Variants in LUZP2 observed in about 807,000 individuals in gnomAD.
LUZP2 encodes the protein leucine zipper protein 2.
LUZP2 carries 52 observed loss-of-function variants against 51.6 expected under a neutral mutation model. The ratio of observed to expected loss-of-function variants is 1.01; its 90% CI spans 0.81 to 1.27. The LOEUF (loss-of-function observed/expected upper bound fraction) is 1.27. Ranked by LOEUF, LUZP2 falls within the 50% of genes most tolerant of loss-of-function variation. The pLI, the probability that LUZP2 is intolerant of heterozygous loss-of-function variation, is 0.00. For missense variants in LUZP2, 436 were observed against 395.4 expected, an observed-to-expected ratio of 1.10 and a Z score of -0.87; for synonymous variants, 154 against 137.3, an observed-to-expected ratio of 1.12 and a Z score of -0.85.
At chr11:25,026,886 C>A (rs192089762) in intron 9 of LUZP2, among the ~76,000 whole-genome samples, 3,684 of 119,510 alleles carry the variant, frequency 0.031, 61 homozygotes, top group South Asian at 0.11. Flanking sequence ...TTTTTTCTTT[C>A]TTTATTTATT....
intron 1 of LUZP2, among the ~76,000 whole-genome samples, chr11:24,606,062 T>G (rs1261143820): frequency 6.6e-6 from 1 of 151,886 alleles, no homozygotes; most frequent in African/African-American, 2.4e-5. Context: ...TGAATAATAC[T>G]CTACTGTGCA....
At chr11:24,839,736 G>T (rs867984181) in intron 5 of LUZP2, among the ~76,000 whole-genome samples, 1 of 151,446 alleles carries the variant, frequency 6.6e-6, no homozygotes, top group Admixed American at 6.6e-5. Flanking sequence ...GAACACTCTC[G>T]GGGTCCATTT....
chr11:24,956,331 C>T (rs1255848447), intron 7 of LUZP2, among the ~76,000 whole-genome samples: 1 of 151,968 alleles, frequency 6.6e-6, no homozygotes, highest in Non-Finnish European at 1.5e-5. Flanking sequence ...CAGAAGGAAC[C>T]AGGATTGCTG....
At position 24,774,362 on chromosome 11, in the gene LUZP2, C is replaced by CTCTCTCTCTCTCTCTATATA. The variant is rs776739280; in HGVS notation, c.396+11055_396+11056insCTCTCTCTCTCTCTATATAT. Among the ~76,000 whole-genome samples, 338 of 76,236 alleles carry CTCTCTCTCTCTCTCTATATA rather than the reference C, an allele frequency of 4.4e-3. 4 individuals are homozygous for CTCTCTCTCTCTCTCTATATA. Among genetic ancestry groups the CTCTCTCTCTCTCTCTATATA allele is most frequent in the East Asian group, 0.024 (49 of 2,064 alleles). 50.0% of individuals were successfully genotyped at this position (76,236 alleles called of 152,430 possible). A position where few individuals can be genotyped will look rare whatever the true frequency, so the allele number is the denominator to read the frequency against. ...TCTCTCTCTCTCTCTCTCTCTCTCT[C>CTCTCTCTCTCTCTCTATATA]TATATATATATATATATATACATAC... On this transcript the variant is annotated intron_variant, in intron 5 of 11. Coordinates refer to ENST00000336930, the MANE Select transcript of LUZP2 (RefSeq NM_001009909.4).
intron 1 of LUZP2, among the ~76,000 whole-genome samples, chr11:24,726,250 A>G (rs1858470599): frequency 6.6e-6 from 1 of 152,176 alleles, no homozygotes. Flanking sequence ...GAAAGAGGGT[A>G]TCATTTTTCA....
At chr11:24,865,026 C>T (rs1000692984) in intron 5 of LUZP2, among the ~76,000 whole-genome samples, 28 of 152,264 alleles carry the variant, frequency 1.8e-4, no homozygotes, top group African/African-American at 6.0e-4. Flanking sequence ...TCTTATTCTA[C>T]GTTTATTACT....
chr11:24,726,796 A>T (rs767570328), intron 1 of LUZP2, among the ~76,000 whole-genome samples: 18 of 152,068 alleles, frequency 1.2e-4, no homozygotes, highest in Non-Finnish European at 2.5e-4. Flanking sequence ...GGAGGGTCAC[A>T]TTTACTTTTC....
At chr11:24,882,951 G>A (rs71478109) in intron 5 of LUZP2, among the ~76,000 whole-genome samples, 61,466 of 136,250 alleles carry the variant, frequency 0.45, 14,823 homozygotes, top group East Asian at 0.66. Context: ...AGAAAGAAAG[G>A]AAGAAAGAAA....
chr11:24,592,669 A>G (rs1032971924), intron 1 of LUZP2, among the ~76,000 whole-genome samples: 1 of 135,944 alleles, frequency 7.4e-6, no homozygotes, highest in Non-Finnish European at 1.6e-5. Flanking sequence ...CTACTGATGT[A>G]ATGGATGTGT....
At chr11:24,543,150 T>C (rs1252058819) in intron 1 of LUZP2, among the ~76,000 whole-genome samples, 1 of 152,058 alleles carries the variant, frequency 6.6e-6, no homozygotes, top group Non-Finnish European at 1.5e-5. Flanking sequence ...GATAATTATA[T>C]TAGGTGGTTT....
At chr11:24,541,055 C>A (rs1234650424) in intron 1 of LUZP2, among the ~76,000 whole-genome samples, 2 of 151,900 alleles carry the variant, frequency 1.3e-5, no homozygotes, top group Admixed American at 1.3e-4. Context: ...GAGTTCAAGA[C>A]CAGCCTGGCC....
At chr11:24,949,963 CTTTTCTTTTTTT>C (rs1565148639) in intron 7 of LUZP2, among the ~76,000 whole-genome samples, 1 of 93,760 alleles carries the variant, frequency 1.1e-5, no homozygotes, top group Admixed American at 1.7e-4. Flanking sequence ...TTCTTTCTTT[CTTTTCTTTTTTT>C]TTTTTTTTTG....
chr11:24,743,906 G>A (rs1017662590), intron 4 of LUZP2, among the ~76,000 whole-genome samples: 6 of 151,978 alleles, frequency 3.9e-5, no homozygotes, highest in Non-Finnish European at 8.8e-5. Context: ...ATAAAGGGAC[G>A]CTGGGTTTTG....
At chr11:25,017,017 A>G (rs891318121) in intron 9 of LUZP2, among the ~76,000 whole-genome samples, 1 of 151,966 alleles carries the variant, frequency 6.6e-6, no homozygotes. Flanking sequence ...CATTTCCCTA[A>G]TGATTAGTGA....
intron 7 of LUZP2, among the ~76,000 whole-genome samples, chr11:24,936,482 A>T (rs1854589502): frequency 6.6e-6 from 1 of 152,198 alleles, no homozygotes. Flanking sequence ...TATCTCCTCA[A>T]AAACATTGCC....
intron 9 of LUZP2, among the ~76,000 whole-genome samples, chr11:25,026,728 T>C (rs1343797403): frequency 1.3e-5 from 2 of 152,098 alleles, no homozygotes; most frequent in African/African-American, 4.8e-5. Context: ...CACAGTGAAC[T>C]TATATTTTTC....
intron 1 of LUZP2, among the ~76,000 whole-genome samples, chr11:24,718,387 T>G (rs1176962100): frequency 1.3e-5 from 2 of 152,196 alleles, no homozygotes; most frequent in African/African-American, 2.4e-5. Context: ...TTTGCGCAGA[T>G]TAATCAGTGA....
chr11:24,900,388 C>T (rs1278855088), intron 5 of LUZP2, among the ~76,000 whole-genome samples: 1 of 152,064 alleles, frequency 6.6e-6, no homozygotes, highest in Non-Finnish European at 1.5e-5. Context: ...TAATTTTTCA[C>T]CTTGCAGTTC....
intron 7 of LUZP2, among the ~76,000 whole-genome samples, chr11:24,950,632 G>C (rs1304240551): frequency 6.6e-6 from 1 of 151,640 alleles, no homozygotes; most frequent in South Asian, 2.1e-4. Flanking sequence ...CTAATGAATT[G>C]CATTATAAAG....
Sources: allele counts gnomAD v4.1 joint callset (sites outside exome capture counted in the v4.1 genomes callset), GRCh38; gene constraint gnomAD v4.1.1; transcripts MANE v1.5; gene names NCBI Gene and HGNC (gene_info 2026-07-23, HGNC 2026-07-21).